The following UBL3 variants were observed in gnomAD, a reference collection of about 807,000 sequenced individuals.
The protein encoded by UBL3 is ubiquitin like 3, also known as ubiquitin-like protein 3.
A neutral mutation model predicts 18.4 loss-of-function variants in UBL3; 6 were observed. The ratio of observed to expected loss-of-function variants is 0.33; its 90% CI spans 0.18 to 0.64. The LOEUF is 0.64. Among genes scored for constraint, UBL3 ranks in the 30% least tolerant of loss-of-function variants. The pLI is 0.76. For synonymous variants in UBL3, 49 were observed against 46.6 expected, an observed-to-expected ratio of 1.05 and a Z score of -0.21; for missense variants, 109 against 142.9, an observed-to-expected ratio of 0.76 and a Z score of 1.21.
intron 3 of UBL3, among the ~76,000 whole-genome samples, chr13:29,769,912 G>A (rs1876794754): frequency 6.6e-6 from 1 of 152,040 alleles, no homozygotes. Context: ...ACCCATGGCT[G>A]TATACCCACT....
intron 1 of UBL3, among the ~76,000 whole-genome samples, chr13:29,780,415 TATA>T (rs1211815991): frequency 4.9e-5 from 7 of 141,530 alleles, no homozygotes; most frequent in African/African-American, 1.0e-4. Flanking sequence ...TGTATATATA[TATA>T]ATAAGTTATA....
At chr13:29,791,617 T>G (rs989195575) in intron 1 of UBL3, among the ~76,000 whole-genome samples, 2 of 152,184 alleles carry the variant, frequency 1.3e-5, no homozygotes, top group African/African-American at 4.8e-5. Flanking sequence ...TGAGGTCACC[T>G]TTGAAGCCTA....
At chr13:29,792,307 T>C (rs991997438) in intron 1 of UBL3, among the ~76,000 whole-genome samples, 1 of 152,230 alleles carries the variant, frequency 6.6e-6, no homozygotes, top group Non-Finnish European at 1.5e-5. Flanking sequence ...TTATACACAG[T>C]TGAGTGATAA....
chr13:29,827,774 T>C (rs1203267173), intron 1 of UBL3, among the ~76,000 whole-genome samples: 2 of 152,232 alleles, frequency 1.3e-5, no homozygotes, highest in Non-Finnish European at 2.9e-5. Context: ...CTTCCTAGCA[T>C]TGATGGTCTT....
intron 1 of UBL3, chr13:29,777,466 T>C (rs1291308472): frequency 5.9e-6 from 4 of 675,382 alleles, no homozygotes; most frequent in Non-Finnish European, 1.1e-5. Flanking sequence ...AGGGTGTGTG[T>C]GTGTGTCAGA....
At position 29,831,711 on chromosome 13, in the gene UBL3, A is replaced by G. The variant is rs958149457; in HGVS notation, c.27+17801T>C. Among the ~76,000 whole-genome samples, 5 of 151,102 alleles carry G rather than the reference A, an allele frequency of 3.3e-5. No individual in the cohort carries two copies. In the South Asian group the frequency reaches 6.3e-4, roughly 19 times the overall value. On this transcript the variant is annotated intron_variant, in intron 1 of 4. Transcript: ENST00000380680. ...GATGACAGCTTACTTAATGATAGAAAAAAAAAGAACGCTGACATTAAGAGA... is the reference window on the plus strand; with the variant it reads ...GATGACAGCTTACTTAATGATAGAAGAAAAAAGAACGCTGACATTAAGAGA...
intron 1 of UBL3, among the ~76,000 whole-genome samples, chr13:29,833,993 C>T (rs1566000670): frequency 6.6e-6 from 1 of 152,070 alleles, no homozygotes. Context: ...CGAGACCAGC[C>T]TGGCCAACAT....
intron 1 of UBL3, among the ~76,000 whole-genome samples, chr13:29,844,750 C>T (rs1244110241): frequency 6.6e-6 from 1 of 152,048 alleles, no homozygotes; most frequent in African/African-American, 2.4e-5. Flanking sequence ...TAAGTATATG[C>T]TTCAGTCTCC....
intron 1 of UBL3, among the ~76,000 whole-genome samples, chr13:29,777,692 T>C (rs1877037197): frequency 6.6e-6 from 1 of 152,166 alleles, no homozygotes. Context: ...TTAAAAAATA[T>C]AATTAAAAGA....
In UBL3 at chr13:29,788,872, C is replaced by T. The variant is rs200810413; in HGVS notation, c.28-11609G>A. Among the ~76,000 whole-genome samples the T allele has an allele frequency of 2.2e-3, 268 of 120,954 alleles. 2 individuals carry two copies. The highest frequency in any genetic ancestry group is 8.3e-3 in the African/African-American group (260 of 31,220). The allele number at this position is 120,954 out of a possible 152,430, so 79.4% of individuals were successfully genotyped here. On this transcript the variant is annotated intron_variant, in intron 1 of 4. Transcript: ENST00000380680. ...GTGTGTGTGTGTGTGTGTGTGTGTG[C>T]GCGCGCGCGCGCACGCGCACGTGTG...
intron 2 of UBL3, among the ~76,000 whole-genome samples, chr13:29,776,252 C>CTTTTTTT (rs1876986979): frequency 8.9e-6 from 1 of 112,478 alleles, no homozygotes. Flanking sequence ...TCTTTTTTTT[C>CTTTTTTT]TTTTCTTTCT....
At position 29,766,947 on chromosome 13, in the gene UBL3, T is replaced by C. The variant is rs1876703852; in HGVS notation, c.*308A>G. On this transcript the variant is annotated 3_prime_UTR_variant, in exon 5 of 5. Transcript: ENST00000380680. ...ATTAGTTCTGATGATGAAAATTTTG[T>C]GGCAGCAAAATGGTTTCTGCTACGA... The C allele has an allele frequency of 4.3e-6, 1 of 231,134 alleles. No individual in the cohort carries two copies. The highest frequency in any genetic ancestry group is 2.3e-5 in the African/African-American group (1 of 43,996). The allele number at this position is 231,134 out of a possible 1,614,324, so 14.3% of individuals were successfully genotyped here. A position where few individuals can be genotyped will look rare whatever the true frequency, so the allele number is the denominator to read the frequency against.
chr13:29,798,627 A>C (rs746240411), intron 1 of UBL3, among the ~76,000 whole-genome samples: 29 of 152,232 alleles, frequency 1.9e-4, no homozygotes, highest in Non-Finnish European at 3.7e-4. Context: ...TTGATAATAC[A>C]AGTATGAATA....
intron 1 of UBL3, among the ~76,000 whole-genome samples, chr13:29,780,938 C>T (rs907117522): frequency 6.6e-6 from 1 of 152,162 alleles, no homozygotes; most frequent in Non-Finnish European, 1.5e-5. Flanking sequence ...CTTTGCGAGG[C>T]TGAGTCAAGT....
chr13:29,829,712 A>G (rs1878721350), intron 1 of UBL3, among the ~76,000 whole-genome samples: 1 of 152,112 alleles, frequency 6.6e-6, no homozygotes, highest in Non-Finnish European at 1.5e-5. Context: ...CCACTATATG[A>G]CAAGCCCCAG....
chr13:29,824,015 T>C (rs1197753347), intron 1 of UBL3, among the ~76,000 whole-genome samples: 2 of 152,218 alleles, frequency 1.3e-5, no homozygotes, highest in African/African-American at 4.8e-5. Context: ...GCTTCATCCA[T>C]GTCCCTACAA....
At chr13:29,826,769 G>T (rs1878631874) in intron 1 of UBL3, among the ~76,000 whole-genome samples, 2 of 152,018 alleles carry the variant, frequency 1.3e-5, no homozygotes, top group African/African-American at 4.8e-5. Context: ...TCTTTTAATT[G>T]TGATGTTAGG....
intron 1 of UBL3, among the ~76,000 whole-genome samples, chr13:29,802,147 T>G (rs939648556): frequency 2.6e-5 from 4 of 152,186 alleles, no homozygotes; most frequent in Non-Finnish European, 4.4e-5. Context: ...CCATTATGCT[T>G]AAGCACCATC....
At chr13:29,801,822 ACCC>A (rs1877775264) in intron 1 of UBL3, among the ~76,000 whole-genome samples, 1 of 151,558 alleles carries the variant, frequency 6.6e-6, no homozygotes, top group Admixed American at 6.6e-5. Flanking sequence ...CAGCCACCCC[ACCC>A]CAGGCCGAAC....
Sources: allele counts gnomAD v4.1 joint callset (sites outside exome capture counted in the v4.1 genomes callset), GRCh38; gene constraint gnomAD v4.1.1; transcripts MANE v1.5; gene names NCBI Gene and HGNC (gene_info 2026-07-23, HGNC 2026-07-21).